FIZ1: variants seen among roughly 807,000 people sequenced by gnomAD.
FIZ1 encodes flt3-interacting zinc finger protein 1.
A neutral mutation model predicts 5.3 loss-of-function variants in FIZ1; 2 were observed. The observed-to-expected ratio is 0.37, with a 90% CI of 0.15 to 1.18. The LOEUF is 1.18. FIZ1 is among the 50% of genes most tolerant of loss of function. The probability of loss-of-function intolerance (pLI) is 0.37; values close to 1 mark genes in which losing one functional copy is unlikely to be tolerated. For synonymous variants in FIZ1, 407 were observed against 364.2 expected (o/e 1.12, Z -1.34); for missense variants, 631 against 749.7 (o/e 0.84, Z 1.85).
Position 55,597,695 on chromosome 19 carries a change from G to A in FIZ1, c.171C>T (p.Gly57=), listed in dbSNP as rs1323230423. The stretch of plus-strand genomic sequence containing the variant: ...GGTTGAAGCTGTGCTTGAAACCCTT[G>A]CCGCAGCGCGGACATGCGTGGGGCT... ...ALKPHACPRC[G]KGFKHSFNLA... is the part of the protein sequence containing the mutation. The change falls in exon 2 of 3, where the codon GGC becomes GGT. Residue 57 remains glycine (G), a synonymous_variant. Transcript: ENST00000221665. 1.2e-6 allele frequency: 2 copies of A among 1,614,018 alleles called. No individual in the cohort carries two copies. Among genetic ancestry groups the A allele is most frequent in the South Asian group, 2.2e-5 (2 of 91,088 alleles).
At position 55,592,768 on chromosome 19, in the gene FIZ1, G is replaced by A. The variant is rs572821124; in HGVS notation, c.1173C>T (p.Thr391=). 33 of 1,601,612 alleles carry A rather than the reference G, an allele frequency of 2.1e-5. No homozygotes were observed. Among genetic ancestry groups the A allele is most frequent in the South Asian group, 6.6e-5 (6 of 90,646 alleles). ...HGEGGGEEAA[T]AAREREPASG... ...ACGCCGGTTCCCTTTCCCGGGCGGCGGTCGCCGCCTCCTCCCCGCCGCCCT... is the reference window on the plus strand; with the variant it reads ...ACGCCGGTTCCCTTTCCCGGGCGGCAGTCGCCGCCTCCTCCCCGCCGCCCT... Residue 391 remains threonine (T), a synonymous_variant, in exon 3 of 3, where the codon ACC becomes ACT. Coordinates refer to ENST00000221665, the MANE Select transcript of FIZ1 (RefSeq NM_032836.3). This position sits in a 1 kb window ranked among gnomAD's most constrained non-coding sequence, Gnocchi z 6.9.
Position 55,593,122 on chromosome 19 carries a change from C to T in FIZ1, c.819G>A (p.Thr273=), listed in dbSNP as rs868043998. ...WAAGPGAGPE[T]AGEGTAAEAG... ...CCTCCGCAGCGGTGCCTTCGCCCGC[C>T]GTCTCGGGCCCTGCGCCTGGCCCCG... Residue 273 remains threonine (T), a synonymous_variant, in exon 3 of 3, where the codon ACG becomes ACA. Transcript: ENST00000221665. The surrounding 1 kb of genome is among the most constrained non-coding windows in gnomAD (Gnocchi z 6.3). 3.2e-6 allele frequency: 4 copies of T among 1,253,844 alleles called. No individual in the cohort carries two copies. Among genetic ancestry groups the T allele is most frequent in the South Asian group, 4.0e-5 (2 of 50,368 alleles). The allele number at this position is 1,253,844 out of a possible 1,614,324, so 77.7% of individuals were successfully genotyped here. A position where few individuals can be genotyped will look rare whatever the true frequency, so the allele number is the denominator to read the frequency against.
At position 55,593,008 on chromosome 19, in the gene FIZ1, C is replaced by A; in HGVS notation, c.933G>T (p.Glu311Asp). The A allele has an allele frequency of 6.8e-7, 1 of 1,480,684 alleles. No individual in the cohort carries two copies. Among genetic ancestry groups the A allele is most frequent in the African/African-American group, 1.5e-5 (1 of 67,908 alleles). 91.7% of individuals were successfully genotyped at this position (1,480,684 alleles called of 1,614,324 possible). ...CAGGTGCAGGCGCCTCCCCACCGCCCTCGGGGAGCAGCCCCCCGAGCTTGG... is the reference window on the plus strand; with the variant it reads ...CAGGTGCAGGCGCCTCCCCACCGCCATCGGGGAGCAGCCCCCCGAGCTTGG... ...GVPKLGGLLP[E>D]GGGEAPAPAA... Residue 311 changes from glutamate to aspartate, a missense_variant, in exon 3 of 3, where the codon GAG becomes GAT. Physicochemically the swap from Glu to Asp is conservative, Grantham distance 45. Coordinates refer to ENST00000221665, the MANE Select transcript of FIZ1 (RefSeq NM_032836.3). The surrounding 1 kb of genome is among the most constrained non-coding windows in gnomAD (Gnocchi z 6.3).
At chr19:55,599,050 C>A (rs1444375511) in intron 1 of FIZ1, 1 of 152,630 alleles carries the variant, frequency 6.6e-6, no homozygotes, top group Non-Finnish European at 1.5e-5. Flanking sequence ...ACCATTCCTT[C>A]TGAGCCACGC....
In FIZ1 at chr19:55,593,302, G is replaced by GCGGC; in HGVS notation, c.635_638dup (p.Glu214ProfsTer171). On this transcript the variant is annotated frameshift_variant, in exon 3 of 3. Coordinates refer to ENST00000221665, the MANE Select transcript of FIZ1 (RefSeq NM_032836.3). LOFTEE classifies it low-confidence loss of function (END_TRUNC). The surrounding 1 kb of genome is among the most constrained non-coding windows in gnomAD (Gnocchi z 6.3). The stretch of plus-strand genomic sequence containing the variant: ...GCGCCGCCCAGTGGGCCGCCAGCTC[G>GCGGC]CGGCCGTGGTCGAAGCGCCGCGCGC... The GCGGC allele has an allele frequency of 8.0e-7, 1 of 1,256,008 alleles. No homozygotes were observed. Among genetic ancestry groups the GCGGC allele is most frequent in the Non-Finnish European group, 1.0e-6 (1 of 994,328 alleles). 77.8% of individuals were successfully genotyped at this position (1,256,008 alleles called of 1,614,324 possible).
Position 55,597,670 on chromosome 19 carries a change from G to A in FIZ1, c.196C>T (p.Leu66=). 1 of 1,614,002 alleles carries A rather than the reference G, an allele frequency of 6.2e-7. No individual in the cohort carries two copies. The highest frequency in any genetic ancestry group is 8.5e-7 in the Non-Finnish European group (1 of 1,179,920). ...CGKGFKHSFN[L]ANHLRSHTGE... is the part of the protein sequence containing the mutation. Reference sequence around the variant, plus strand: ...GTGTGCGAGCGCAGGTGGTTGGCTAGGTTGAAGCTGTGCTTGAAACCCTTG... The same window carrying A: ...GTGTGCGAGCGCAGGTGGTTGGCTAAGTTGAAGCTGTGCTTGAAACCCTTG... Residue 66 remains leucine, a synonymous_variant, in exon 2 of 3, where the codon CTA becomes TTA. Transcript: ENST00000221665.
Position 55,593,300 on chromosome 19 carries a change from T to C in FIZ1, c.641A>G (p.Glu214Gly). ...ACARRFDHGRELAAHWAAHTD... is the reference protein window; with the variant it reads ...ACARRFDHGRGLAAHWAAHTD... ...GTGCGCCGCCCAGTGGGCCGCCAGC[T>C]CGCGGCCGTGGTCGAAGCGCCGCGC... The change falls in exon 3 of 3, where the codon GAG (glutamate) becomes GGG (glycine). Residue 214 changes from glutamate (E) to glycine (G), a missense_variant. Glu to Gly is a moderately conservative substitution (Grantham distance 98). Around this residue, in one of 4 missense-constraint regions of FIZ1, gnomAD observed 463 missense variants for 455.1 expected, o/e 1.02. Transcript: ENST00000221665. The surrounding 1 kb of genome is among the most constrained non-coding windows in gnomAD (Gnocchi z 6.3). 8.0e-7 allele frequency: 1 copy of C among 1,256,118 alleles called. No individual in the cohort carries two copies. Among genetic ancestry groups the C allele is most frequent in the South Asian group, 1.9e-5 (1 of 51,448 alleles). 77.8% of individuals were successfully genotyped at this position (1,256,118 alleles called of 1,614,324 possible).
At chr19:55,598,109 T>G in intron 1 of FIZ1, 1 of 612,184 alleles carries the variant, frequency 1.6e-6, no homozygotes, top group Non-Finnish European at 2.8e-6. Flanking sequence ...ATCTTCCTAA[T>G]CACTTCATAG....
In FIZ1 at chr19:55,593,528, A is replaced by G. The variant is rs1414713371; in HGVS notation, c.413T>C (p.Leu138Pro). 2 of 1,550,512 alleles carry G rather than the reference A, an allele frequency of 1.3e-6. No homozygotes were observed. The highest frequency in any genetic ancestry group is 1.7e-6 in the Non-Finnish European group (2 of 1,146,814). The change falls in exon 3 of 3, where the codon CTG (leucine) becomes CCG (proline). Residue 138 changes from leucine to proline, a missense_variant. Transcript: ENST00000221665. This position sits in a 1 kb window ranked among gnomAD's most constrained non-coding sequence, Gnocchi z 6.3. ...GGCGGGCAGGCCAGGGCCGGGCTGC[A>G]GGGGAGAGGGGAGAACCCCACGGTG... is the stretch of plus-strand genomic sequence containing the variant. Reference protein sequence around the residue: ...RQHRGVLPSPLQPGPGLPALS... With the variant: ...RQHRGVLPSPPQPGPGLPALS...
Position 55,592,265 on chromosome 19 carries a change from C to A in FIZ1, c.*185G>T. Reference sequence around the variant, plus strand: ...TAAGGACCCTGTTTGTTTGTGGTCCCCCAGCTCCGGGGCCTTTGTGGGTTT... The same window carrying A: ...TAAGGACCCTGTTTGTTTGTGGTCCACCAGCTCCGGGGCCTTTGTGGGTTT... On this transcript the variant is annotated 3_prime_UTR_variant, in exon 3 of 3. Coordinates refer to ENST00000221665, the MANE Select transcript of FIZ1 (RefSeq NM_032836.3). This position sits in a 1 kb window ranked among gnomAD's most constrained non-coding sequence, Gnocchi z 6.9. 3.1e-6 allele frequency: 2 copies of A among 643,728 alleles called. No individual in the cohort carries two copies. The highest frequency in any genetic ancestry group is 5.1e-6 in the Non-Finnish European group (2 of 390,384). The allele number at this position is 643,728 out of a possible 1,614,324, so 39.9% of individuals were successfully genotyped here.
intron 1 of FIZ1, 127 bp from the exon 2 acceptor site, chr19:55,598,028 C>T: frequency 6.5e-6 from 7 of 1,082,584 alleles, no homozygotes; most frequent in Non-Finnish European, 7.7e-6. Context: ...CTCTAAGCCA[C>T]TCTCATTGTT....
intron 2 of FIZ1, among the ~76,000 whole-genome samples, chr19:55,594,265 C>T (rs954076160): frequency 5.3e-5 from 8 of 151,648 alleles, no homozygotes; most frequent in Non-Finnish European, 8.8e-5. Flanking sequence ...GGCGGGTAGT[C>T]CCAGGGACCT....
At position 55,593,196 on chromosome 19, in the gene FIZ1, T is replaced by G. The variant is rs1980128039; in HGVS notation, c.745A>C (p.Thr249Pro). The change falls in exon 3 of 3, where the codon ACG (threonine) becomes CCG (proline). Residue 249 changes from threonine to proline, a missense_variant. Thr to Pro is a conservative substitution (Grantham distance 38). This residue lies in a region of FIZ1 where 463 missense variants were observed against 455.1 expected (regional missense o/e 1.02). Transcript: ENST00000221665. The surrounding 1 kb of genome is among the most constrained non-coding windows in gnomAD (Gnocchi z 6.3). ...APALLERHKL[T>P]HDLQGPGAPP... is the part of the protein sequence containing the mutation. Reference sequence around the variant, plus strand: ...GCGCCCGGGCCCTGCAGGTCGTGCGTCAGCTTGTGCCGCTCCAGCAGCGCG... The same window carrying G: ...GCGCCCGGGCCCTGCAGGTCGTGCGGCAGCTTGTGCCGCTCCAGCAGCGCG... 8.3e-7 allele frequency: 1 copy of G among 1,198,684 alleles called. No homozygotes were observed. Among genetic ancestry groups the G allele is most frequent in the Admixed American group, 4.2e-5 (1 of 23,560 alleles). 74.3% of individuals were successfully genotyped at this position (1,198,684 alleles called of 1,614,324 possible).
intron 2 of FIZ1, among the ~76,000 whole-genome samples, chr19:55,597,301 T>C (rs1162463952): frequency 6.6e-6 from 1 of 152,186 alleles, no homozygotes; most frequent in Admixed American, 6.5e-5. Flanking sequence ...ACGCGGGGTA[T>C]TGGCAGGGAG....
rs201003413 is a variant in FIZ1 at position 55,592,462 on chromosome 19, C to T, written c.1479G>A (p.Arg493=). The part of the protein sequence containing the change: ...SNLSRHLKLH[R]GMD ...CGCAGCCTGGCAGTCAGTCCATGCC[C>T]CGGTGCAGCTTCAGGTGCCTGGAGA... Residue 493 remains arginine (R), a synonymous_variant, in exon 3 of 3, where the codon CGG becomes CGA. Transcript: ENST00000221665. This position sits in a 1 kb window ranked among gnomAD's most constrained non-coding sequence, Gnocchi z 6.9. 2 of 1,571,642 alleles carry T rather than the reference C, an allele frequency of 1.3e-6. No homozygotes were observed. Among genetic ancestry groups the T allele is most frequent in the East Asian group, 2.3e-5 (1 of 43,080 alleles).
chr19:55,597,003 A>G (rs910706514), intron 2 of FIZ1, among the ~76,000 whole-genome samples: 2 of 151,918 alleles, frequency 1.3e-5, no homozygotes, highest in African/African-American at 4.8e-5. Flanking sequence ...TTTCCCTCCT[A>G]TCTTTTTCCA....
chr19:55,597,589 C>G lies in FIZ1; in HGVS notation c.277G>C (p.Gly93Arg), dbSNP rs1343953284. The G allele has an allele frequency of 1.2e-6, 2 of 1,611,516 alleles. No homozygotes were observed. The highest frequency in any genetic ancestry group is 1.1e-5 in the South Asian group (1 of 90,990). The change falls in exon 2 of 3, where the codon GGC becomes CGC. Residue 93 changes from glycine (G) to arginine (R), a missense_variant. Around this residue, in one of 4 missense-constraint regions of FIZ1, gnomAD observed 68 missense variants for 163.4 expected, o/e 0.42. Coordinates refer to ENST00000221665, the MANE Select transcript of FIZ1 (RefSeq NM_032836.3). ...ACPKGFRDSTGLLHHQVVHTG... is the reference protein window; with the variant it reads ...ACPKGFRDSTRLLHHQVVHTG... ...GGACTCACCTGGTGGTGCAGCAGGC[C>G]GGTGGAGTCGCGGAACCCCTTGGGG...
chr19:55,593,166 G>A lies in FIZ1; in HGVS notation c.775C>T (p.Pro259Ser). The A allele has an allele frequency of 8.6e-7, 1 of 1,161,400 alleles. No individual in the cohort carries two copies. Among genetic ancestry groups the A allele is most frequent in the South Asian group, 2.5e-5 (1 of 39,370 alleles). The allele number at this position is 1,161,400 out of a possible 1,614,324, so 71.9% of individuals were successfully genotyped here. A position where few individuals can be genotyped will look rare whatever the true frequency, so the allele number is the denominator to read the frequency against. The change falls in exon 3 of 3, where the codon CCA (proline) becomes TCA (serine). Residue 259 changes from proline to serine, a missense_variant. Around this residue, in one of 4 missense-constraint regions of FIZ1, gnomAD observed 463 missense variants for 455.1 expected, o/e 1.02. Transcript: ENST00000221665. This position sits in a 1 kb window ranked among gnomAD's most constrained non-coding sequence, Gnocchi z 6.3. ...THDLQGPGAP[P>S]AQAWAAGPGA... ...GGCCCCGCGGCCCAGGCCTGCGCTG[G>A]GGGCGCGCCCGGGCCCTGCAGGTCG...
rs189800353 is a variant in FIZ1, at chr19:55,594,614, A to T, written c.295-968T>A. ...CAGGAGGCTGAGGCGGGAGAATGGC[A>T]TGAACCCGGGAGGCGGAGCTTGCAG... On this transcript the variant is annotated intron_variant, in intron 2 of 2. Transcript: ENST00000221665. Among the ~76,000 whole-genome samples the T allele has an allele frequency of 3.0e-3, 413 of 139,216 alleles. 3 individuals carry two copies. Among genetic ancestry groups the T allele is most frequent in the African/African-American group, 0.011 (401 of 37,276 alleles). The allele number at this position is 139,216 out of a possible 152,430, so 91.3% of individuals were successfully genotyped here.
Sources: gnomAD v4.1 joint callset for allele counts (sites outside exome capture counted in the v4.1 genomes callset) on GRCh38, gnomAD v4.1.1 for gene constraint, gnomAD v4.1.1 regional missense constraint, Gnocchi (gnomAD v3.1) non-coding constraint, MANE v1.5 for transcripts, NCBI Gene and HGNC (gene_info 2026-07-23, HGNC 2026-07-21) for gene names.